BNC2: variants seen among roughly 807,000 people sequenced by gnomAD.
The protein encoded by BNC2 is zinc finger protein basonuclin-2.
A neutral mutation model predicts 76.3 loss-of-function variants in BNC2; 20 were observed. That is an observed-to-expected ratio of 0.26 (90% CI 0.18 to 0.38). The LOEUF is 0.38. Among genes scored for constraint, BNC2 ranks in the 10% least tolerant of loss-of-function variants. BNC2 has a pLI of 1.00. For missense variants in BNC2, 1,382 were observed against 1,399.8 expected, an observed-to-expected ratio of 0.99 and a Z score of 0.20; for synonymous variants, 582 against 514.8, an observed-to-expected ratio of 1.13 and a Z score of -1.77.
In BNC2 at chr9:16,832,209, G is replaced by C. The variant is rs751919385; in HGVS notation, c.3+38437C>G. 19 of 1,118,992 alleles carry C rather than the reference G, an allele frequency of 1.7e-5. No individual in the cohort carries two copies. The African/African-American group carries it at 3.1e-4, about 18-fold the overall frequency. The allele number at this position is 1,118,992 out of a possible 1,614,324, so 69.3% of individuals were successfully genotyped here. A position where few individuals can be genotyped will look rare whatever the true frequency, so the allele number is the denominator to read the frequency against. ...TTAAAACTACAAGGTAGTCTTCAAA[G>C]GAAAAATATGAAACTATTACATGTA... On this transcript the variant is annotated intron_variant, in intron 1 of 6. Coordinates refer to ENST00000380672, the MANE Select transcript of BNC2 (RefSeq NM_017637.6).
intron 1 of BNC2, among the ~76,000 whole-genome samples, chr9:16,818,930 C>T (rs1359091696): frequency 6.6e-6 from 1 of 152,112 alleles, no homozygotes; most frequent in Non-Finnish European, 1.5e-5. Context: ...TTTCTTACAT[C>T]CTATCTTAAC....
intron 5 of BNC2, among the ~76,000 whole-genome samples, chr9:16,449,834 G>A (rs912412843): frequency 6.9e-5 from 9 of 130,442 alleles, no homozygotes; most frequent in African/African-American, 3.3e-4. Flanking sequence ...AAAAGTTAAA[G>A]GTGGGGCGGG....
chr9:16,701,058 AC>A (rs1823497298), intron 3 of BNC2, among the ~76,000 whole-genome samples: 1 of 152,204 alleles, frequency 6.6e-6, no homozygotes, highest in Non-Finnish European at 1.5e-5. Context: ...GAAGAGTTGC[AC>A]TAGGCCCCAT....
intron 1 of BNC2, among the ~76,000 whole-genome samples, chr9:16,839,867 T>C (rs939826606): frequency 9.9e-5 from 15 of 152,200 alleles, no homozygotes. Flanking sequence ...CGTACAAACA[T>C]GCATGCCTGC....
At chr9:16,757,936 T>C (rs1825434613) in intron 1 of BNC2, among the ~76,000 whole-genome samples, 1 of 152,228 alleles carries the variant, frequency 6.6e-6, no homozygotes, top group African/African-American at 2.4e-5. Flanking sequence ...TAGTTTTCTA[T>C]GTCTACCCTA....
chr9:16,539,191 G>GA (rs1435173130), intron 5 of BNC2, among the ~76,000 whole-genome samples: 2 of 151,972 alleles, frequency 1.3e-5, no homozygotes, highest in Admixed American at 6.6e-5. Flanking sequence ...AAAACAGGGG[G>GA]AAAAAAACAA....
intron 1 of BNC2, among the ~76,000 whole-genome samples, chr9:16,776,048 G>T (rs564299144): frequency 6.6e-6 from 1 of 152,286 alleles, no homozygotes; most frequent in South Asian, 2.1e-4. Flanking sequence ...CTTCTACGCT[G>T]ACTTTCAGCC....
intron 4 of BNC2, chr9:16,575,483 T>C: frequency 1.0e-6 from 1 of 977,744 alleles, no homozygotes; most frequent in African/African-American, 1.7e-5. Context: ...CTGTTTGCGC[T>C]GGGTTTAAAG....
At chr9:16,570,497 A>T (rs1228691157) in intron 4 of BNC2, among the ~76,000 whole-genome samples, 1 of 152,188 alleles carries the variant, frequency 6.6e-6, no homozygotes, top group Non-Finnish European at 1.5e-5. Flanking sequence ...CTTAATGCAT[A>T]TATCAAGTAT....
At chr9:16,553,071 G>A (rs1317525132) in intron 4 of BNC2, among the ~76,000 whole-genome samples, 2 of 152,072 alleles carry the variant, frequency 1.3e-5, no homozygotes, top group African/African-American at 4.8e-5. Context: ...GACCGTGGCT[G>A]GTGCTAAAAA....
chr9:16,509,989 T>TAG (rs1822715565), intron 5 of BNC2, among the ~76,000 whole-genome samples: 2 of 152,236 alleles, frequency 1.3e-5, no homozygotes, highest in Admixed American at 1.3e-4. Context: ...TTACACTGGT[T>TAG]AGACCATTTT....
At chr9:16,427,184 A>G (rs964977256) in intron 6 of BNC2, among the ~76,000 whole-genome samples, 1 of 152,256 alleles carries the variant, frequency 6.6e-6, no homozygotes, top group Non-Finnish European at 1.5e-5. Context: ...AGGAGAGAAG[A>G]AATCAGCAGC....
At chr9:16,801,880 G>A (rs543531055) in intron 1 of BNC2, among the ~76,000 whole-genome samples, 1 of 152,078 alleles carries the variant, frequency 6.6e-6, no homozygotes, top group South Asian at 2.1e-4. Context: ...CCTTCTCTGT[G>A]GTTCTGGCTC....
In BNC2 at chr9:16,661,933, G is replaced by A. The variant is rs181038259; in HGVS notation, c.330+65864C>T. ...GACAACTCCTTAGCATCAAAGACAA[G>A]TGACAGAGCAGGTCTAAGCTTTAAG... On this transcript the variant is annotated intron_variant, in intron 3 of 6. Transcript: ENST00000380672. Among the ~76,000 whole-genome samples, 3 of 152,292 alleles carry A rather than the reference G, an allele frequency of 2.0e-5. 1 individual carries two copies. Among genetic ancestry groups the A allele is most frequent in the Non-Finnish European group, 4.4e-5 (3 of 68,020 alleles).
At chr9:16,486,689 A>G (rs145552262) in intron 5 of BNC2, among the ~76,000 whole-genome samples, 4 of 152,330 alleles carry the variant, frequency 2.6e-5, no homozygotes, top group African/African-American at 9.6e-5. Flanking sequence ...ATAGGGATGC[A>G]AATTATTAAA....
intron 1 of BNC2, among the ~76,000 whole-genome samples, chr9:16,791,468 A>T (rs956345494): frequency 1.3e-5 from 2 of 152,148 alleles, no homozygotes; most frequent in East Asian, 3.9e-4. Context: ...AAAATCATGC[A>T]AAGTGAGAAA....
intron 3 of BNC2, among the ~76,000 whole-genome samples, chr9:16,602,982 A>G (rs1820285045): frequency 6.6e-6 from 1 of 152,212 alleles, no homozygotes; most frequent in African/African-American, 2.4e-5. Flanking sequence ...AAAGCATTCT[A>G]TGAGTTATCC....
In BNC2 at chr9:16,752,154, C is replaced by T. The variant is rs140695775; in HGVS notation, c.4-13669G>A. 3.2e-3 allele frequency among the ~76,000 whole-genome samples: 485 copies of T among 152,034 alleles called. 3 individuals are homozygous for T. The highest frequency in any genetic ancestry group is 0.011 in the African/African-American group (467 of 41,488). On this transcript the variant is annotated intron_variant, in intron 1 of 6. Coordinates refer to ENST00000380672, the MANE Select transcript of BNC2 (RefSeq NM_017637.6). ...TACGTCTTTTAAAAAATAAGAGATC[C>T]GAAGATAAACTGGGTTTACATTTCA...
intron 2 of BNC2, 144 bp downstream of exon 2, chr9:16,738,216 C>G: frequency 1.1e-6 from 1 of 887,446 alleles, no homozygotes; most frequent in South Asian, 1.5e-5. Flanking sequence ...CAAATAAATA[C>G]CTGAGTTTCA....
Sources: gnomAD v4.1 joint callset for allele counts (sites outside exome capture counted in the v4.1 genomes callset) on GRCh38, gnomAD v4.1.1 for gene constraint, MANE v1.5 for transcripts, NCBI Gene and HGNC (gene_info 2026-07-23, HGNC 2026-07-21) for gene names.